The following NXPH2 variants were observed in gnomAD, a reference collection of about 807,000 sequenced individuals.
NXPH2 encodes the protein neurexophilin 2.
A neutral mutation model predicts 19.8 loss-of-function variants in NXPH2; 5 were observed. The ratio of observed to expected loss-of-function variants is 0.25; its 90% CI spans 0.13 to 0.53. The LOEUF is 0.53. Ranked by LOEUF, NXPH2 falls within the 20% of genes least tolerant of loss-of-function variation. The pLI is 0.96. For missense variants in NXPH2, 289 were observed against 322.8 expected, an observed-to-expected ratio of 0.90 and a Z score of 0.80; for synonymous variants, 154 against 127.4, an observed-to-expected ratio of 1.21 and a Z score of -1.41.
intron 1 of NXPH2, among the ~76,000 whole-genome samples, chr2:138,765,492 A>G (rs986389686): frequency 6.6e-6 from 1 of 152,050 alleles, no homozygotes; most frequent in African/African-American, 2.4e-5. Flanking sequence ...ACATTTTTTA[A>G]AAACTAAGAA....
intron 1 of NXPH2, among the ~76,000 whole-genome samples, chr2:138,688,016 A>T (rs1249082076): frequency 6.6e-6 from 1 of 152,176 alleles, no homozygotes. Flanking sequence ...TGACTTGGCA[A>T]TGCGGGCCCT....
chr2:138,735,451 T>G (rs4316886), intron 1 of NXPH2, among the ~76,000 whole-genome samples: 25,746 of 152,028 alleles, frequency 0.17, 2,253 homozygotes, highest in East Asian at 0.24. Context: ...TTTTCCCTCA[T>G]AAAACCATCA....
chr2:138,724,235 CAT>C (rs1199018398), intron 1 of NXPH2, among the ~76,000 whole-genome samples: 1 of 152,136 alleles, frequency 6.6e-6, no homozygotes, highest in East Asian at 1.9e-4. Context: ...CATCCATGTC[CAT>C]GCAAAGGCAT....
intron 1 of NXPH2, among the ~76,000 whole-genome samples, chr2:138,760,133 TA>T (rs1308241518): frequency 1.3e-5 from 2 of 152,184 alleles, no homozygotes; most frequent in African/African-American, 2.4e-5. Context: ...TAAAACTTAT[TA>T]AATTCATTCA....
At chr2:138,701,202 T>C (rs1680917088) in intron 1 of NXPH2, among the ~76,000 whole-genome samples, 1 of 151,838 alleles carries the variant, frequency 6.6e-6, no homozygotes, top group East Asian at 1.9e-4. Context: ...GGGTGAGAAG[T>C]GGGGTGGGGT....
intron 1 of NXPH2, among the ~76,000 whole-genome samples, chr2:138,714,375 A>G (rs6736541): frequency 0.2 from 30,089 of 152,120 alleles, 3,089 homozygotes; most frequent in African/African-American, 0.24. Flanking sequence ...TATCCCACTT[A>G]ATAATGGATA....
In NXPH2 at chr2:138,702,505, A is replaced by C. The variant is rs189455007; in HGVS notation, c.52-30840T>G. On this transcript the variant is annotated intron_variant, in intron 1 of 1. Transcript: ENST00000272641. ...TCGTCCAATAGCCTCTTCTCACCTC[A>C]TGGCTTCCACCCCTACCCAACCACT... Among the ~76,000 whole-genome samples the C allele has an allele frequency of 4.3e-4, 65 of 152,216 alleles. 2 individuals carry two copies. The highest frequency in any genetic ancestry group is 1.3e-4 in the Non-Finnish European group (9 of 68,016).
intron 1 of NXPH2, among the ~76,000 whole-genome samples, chr2:138,755,358 G>C (rs1294721827): frequency 1.3e-5 from 2 of 152,052 alleles, no homozygotes; most frequent in Non-Finnish European, 2.9e-5. Flanking sequence ...AAAGGTGTAA[G>C]TTTTATGTCT....
intron 1 of NXPH2, among the ~76,000 whole-genome samples, chr2:138,738,995 G>A (rs1426807691): frequency 6.6e-6 from 1 of 152,076 alleles, no homozygotes; most frequent in African/African-American, 2.4e-5. Flanking sequence ...ACGAAGTCCT[G>A]GGAAACAGAG....
chr2:138,751,140 T>A (rs890648143), intron 1 of NXPH2, among the ~76,000 whole-genome samples: 1 of 151,654 alleles, frequency 6.6e-6, no homozygotes, highest in Non-Finnish European at 1.5e-5. Flanking sequence ...CTAGAATATA[T>A]GCTCATGAGA....
At chr2:138,729,090 T>A (rs1166075597) in intron 1 of NXPH2, among the ~76,000 whole-genome samples, 1 of 151,770 alleles carries the variant, frequency 6.6e-6, no homozygotes, top group Non-Finnish European at 1.5e-5. Flanking sequence ...ATGGTTCCAT[T>A]CTCCCAAGCT....
chr2:138,730,751 G>T (rs902768693), intron 1 of NXPH2, among the ~76,000 whole-genome samples: 1 of 152,132 alleles, frequency 6.6e-6, no homozygotes, highest in African/African-American at 2.4e-5. Context: ...TTCTCAGCGG[G>T]TGCTCTGTAA....
intron 1 of NXPH2, among the ~76,000 whole-genome samples, chr2:138,748,112 T>C (rs1022880810): frequency 1.3e-5 from 2 of 152,324 alleles, no homozygotes; most frequent in African/African-American, 4.8e-5. Flanking sequence ...TATTCATTTA[T>C]CCAGTGTTTC....
chr2:138,690,474 T>C (rs1254727666), intron 1 of NXPH2, among the ~76,000 whole-genome samples: 1 of 152,004 alleles, frequency 6.6e-6, no homozygotes, highest in East Asian at 1.9e-4. Context: ...ACTCATTAAA[T>C]GGTTAAGAAG....
intron 1 of NXPH2, among the ~76,000 whole-genome samples, chr2:138,679,916 T>A (rs72986856): frequency 6.6e-6 from 1 of 152,142 alleles, no homozygotes; most frequent in African/African-American, 2.4e-5. Flanking sequence ...TGGCTAATCA[T>A]TGGACTGAGA....
chr2:138,761,339 C>T (rs1682012184), intron 1 of NXPH2, among the ~76,000 whole-genome samples: 1 of 152,196 alleles, frequency 6.6e-6, no homozygotes, highest in African/African-American at 2.4e-5. Context: ...GCCAACTACT[C>T]TAGCAATGGG....
In NXPH2 at chr2:138,671,187, A is replaced by C; in HGVS notation, c.530T>G (p.Leu177Trp). Residue 177 changes from leucine (L) to tryptophan (W), a missense_variant, in exon 2 of 2, where the codon TTG becomes TGG. Physicochemically the swap from Leu to Trp is moderately conservative, Grantham distance 61. Transcript: ENST00000272641. ...GAAAGATTTGGATTCCTTGGTCTCCAAGGTAGACTGGGGGGAAACTTCAAA... is the reference window on the plus strand; with the variant it reads ...GAAAGATTTGGATTCCTTGGTCTCCCAGGTAGACTGGGGGGAAACTTCAAA... Reference protein sequence around the residue: ...VEFEVSPQSTLETKESKSFNC... With the variant: ...VEFEVSPQSTWETKESKSFNC... The C allele has an allele frequency of 1.9e-6, 3 of 1,613,948 alleles. No homozygotes were observed. Among genetic ancestry groups the C allele is most frequent in the Non-Finnish European group, 2.5e-6 (3 of 1,179,872 alleles).
At chr2:138,673,307 C>T (rs1573948470) in intron 1 of NXPH2, among the ~76,000 whole-genome samples, 1 of 152,280 alleles carries the variant, frequency 6.6e-6, no homozygotes, top group Non-Finnish European at 1.5e-5. Flanking sequence ...GGGATCATTA[C>T]TCTGGATTTC....
At chr2:138,754,264 A>T (rs919968492) in intron 1 of NXPH2, among the ~76,000 whole-genome samples, 1 of 152,230 alleles carries the variant, frequency 6.6e-6, no homozygotes, top group Non-Finnish European at 1.5e-5. Context: ...AATGCATAGC[A>T]TCACATATCC....
Sources: allele counts gnomAD v4.1 joint callset (sites outside exome capture counted in the v4.1 genomes callset), GRCh38; gene constraint gnomAD v4.1.1; transcripts MANE v1.5; gene names NCBI Gene and HGNC (gene_info 2026-07-23, HGNC 2026-07-21).